The following SLC20A2 variants were observed in gnomAD, a reference collection of about 807,000 sequenced individuals.
SLC20A2 encodes sodium-dependent phosphate transporter 2.
SLC20A2 carries 30 observed loss-of-function variants against 61.0 expected under a neutral mutation model. The observed-to-expected ratio is 0.49, with a 90% CI of 0.37 to 0.67. SLC20A2 has a LOEUF of 0.67. Among genes scored for constraint, SLC20A2 ranks in the 30% least tolerant of loss-of-function variants. The pLI is 0.00. For synonymous variants in SLC20A2, 351 were observed against 353.3 expected (o/e 0.99, Z 0.07); for missense variants, 626 against 866.4 (o/e 0.72, Z 3.48).
At chr8:42,477,841 G>T (rs1295471412) in intron 1 of SLC20A2, among the ~76,000 whole-genome samples, 2 of 151,338 alleles carry the variant, frequency 1.3e-5, no homozygotes, top group Non-Finnish European at 2.9e-5. Flanking sequence ...AGGGCGCTAA[G>T]AAAAAAACCA....
chr8:42,529,885 CTTAT>C (rs1220550052), intron 1 of SLC20A2, among the ~76,000 whole-genome samples: 1 of 152,156 alleles, frequency 6.6e-6, no homozygotes, highest in Non-Finnish European at 1.5e-5. Flanking sequence ...ATACACTAAA[CTTAT>C]TTAAACCTTT....
chr8:42,464,092 CTTTTTTTTTTTTT>C (rs1170751054), intron 3 of SLC20A2, among the ~76,000 whole-genome samples: 602 of 20,564 alleles, frequency 0.029, 34 homozygotes, highest in Middle Eastern at 0.062. Flanking sequence ...GCTGGATGAT[CTTTTTTTTTTTTT>C]TTTTTTTTTT....
At chr8:42,457,008 C>A (rs186656214) in intron 5 of SLC20A2, among the ~76,000 whole-genome samples, 1,559 of 152,054 alleles carry the variant, frequency 0.01, 13 homozygotes, top group Non-Finnish European at 0.013. Context: ...ACTGCAATCT[C>A]CACCTCCCAG....
Position 42,516,879 on chromosome 8 carries a change from T to C in SLC20A2, c.-265+24942A>G, listed in dbSNP as rs1023939963. Among the ~76,000 whole-genome samples, 12 of 152,302 alleles carry C rather than the reference T, an allele frequency of 7.9e-5. No individual in the cohort carries two copies. In the South Asian group the frequency reaches 2.5e-3, roughly 32 times the overall value. ...AGACTCGATGTAATCTAGGCACCCA[T>C]CAGTGCAACCTGAGCTTGCTGTTTT... On this transcript the variant is annotated intron_variant, in intron 1 of 10. Coordinates refer to the SLC20A2 transcript ENST00000342228.
chr8:42,526,663 ACT>A (rs932928230), intron 1 of SLC20A2, among the ~76,000 whole-genome samples: 13 of 113,170 alleles, frequency 1.1e-4, no homozygotes, highest in African/African-American at 3.9e-4. Flanking sequence ...ACAGAGAGAG[ACT>A]CTGTCTCAAA....
At chr8:42,439,958 G>A (rs1012768858) in intron 6 of SLC20A2, among the ~76,000 whole-genome samples, 1 of 151,764 alleles carries the variant, frequency 6.6e-6, no homozygotes, top group East Asian at 1.9e-4. Context: ...GGTGGCAGGC[G>A]CCTGTAATTC....
intron 5 of SLC20A2, among the ~76,000 whole-genome samples, chr8:42,456,952 C>T (rs1806260444): frequency 6.6e-6 from 1 of 151,982 alleles, no homozygotes; most frequent in African/African-American, 2.4e-5. Flanking sequence ...GAGATGGAGT[C>T]TTGCTCTGTC....
At chr8:42,485,380 G>A (rs560715969) in intron 1 of SLC20A2, among the ~76,000 whole-genome samples, 14 of 151,812 alleles carry the variant, frequency 9.2e-5, no homozygotes, top group South Asian at 4.2e-4. Flanking sequence ...GGTGGCTCAC[G>A]CCTGTAATTC....
intron 6 of SLC20A2, among the ~76,000 whole-genome samples, chr8:42,443,826 G>T (rs1804991257): frequency 6.6e-6 from 1 of 152,046 alleles, no homozygotes; most frequent in South Asian, 2.1e-4. Flanking sequence ...AAATTTAATG[G>T]AAAGATCCAT....
At chr8:42,531,586 A>G (rs1368847273) in intron 1 of SLC20A2, among the ~76,000 whole-genome samples, 6 of 152,232 alleles carry the variant, frequency 3.9e-5, no homozygotes, top group Admixed American at 3.9e-4. Flanking sequence ...AGTCAACAGC[A>G]TAATACAAAG....
At chr8:42,475,511 G>A (rs1808009092) in intron 1 of SLC20A2, among the ~76,000 whole-genome samples, 2 of 152,112 alleles carry the variant, frequency 1.3e-5, no homozygotes, top group Non-Finnish European at 2.9e-5. Flanking sequence ...CTGGGTTCAA[G>A]AGATTCTCCT....
intron 1 of SLC20A2, among the ~76,000 whole-genome samples, chr8:42,523,351 AAAAT>A (rs1320958940): frequency 2.7e-5 from 4 of 145,782 alleles, no homozygotes; most frequent in Non-Finnish European, 5.9e-5. Context: ...ATAAATAAAT[AAAAT>A]AAATAAATAA....
chr8:42,484,742 G>C, intron 1 of SLC20A2: 1 of 358,480 alleles, frequency 2.8e-6, no homozygotes, highest in Non-Finnish European at 5.5e-6. Flanking sequence ...TGATCCAAGA[G>C]AGCCTGACTT....
At chr8:42,527,127 C>T (rs961882020) in intron 1 of SLC20A2, among the ~76,000 whole-genome samples, 5 of 150,280 alleles carry the variant, frequency 3.3e-5, no homozygotes, top group Non-Finnish European at 7.4e-5. Flanking sequence ...AAAAGTGGGC[C>T]GGGTGTGGTG....
intron 1 of SLC20A2, among the ~76,000 whole-genome samples, chr8:42,540,653 A>G (rs1360309314): frequency 6.6e-6 from 1 of 152,244 alleles, no homozygotes; most frequent in Admixed American, 6.5e-5. Context: ...GAAGTGTTCA[A>G]TGTAAGCTCT....
intron 1 of SLC20A2, among the ~76,000 whole-genome samples, chr8:42,506,945 C>T (rs1274352927): frequency 6.6e-6 from 1 of 152,174 alleles, no homozygotes; most frequent in African/African-American, 2.4e-5. Context: ...AAATGCCCGC[C>T]CTGGCTTGCC....
chr8:42,525,807 G>A (rs1811896659), intron 1 of SLC20A2, among the ~76,000 whole-genome samples: 2 of 152,040 alleles, frequency 1.3e-5, no homozygotes, highest in Non-Finnish European at 2.9e-5. Context: ...ATAAACCCAC[G>A]ATGATAGGGA....
chr8:42,522,447 G>A (rs1483151372), intron 1 of SLC20A2, among the ~76,000 whole-genome samples: 1 of 121,300 alleles, frequency 8.2e-6, no homozygotes, highest in African/African-American at 2.5e-5. Flanking sequence ...TTGGGGGGCC[G>A]AGGCGGGTGG....
chr8:42,422,960 T>C (rs913621644), intron 10 of SLC20A2, among the ~76,000 whole-genome samples: 1 of 152,208 alleles, frequency 6.6e-6, no homozygotes, highest in Non-Finnish European at 1.5e-5. Flanking sequence ...TTAATTTTGC[T>C]TCTATATTTC....
Sources: allele counts gnomAD v4.1 joint callset (sites outside exome capture counted in the v4.1 genomes callset), GRCh38; gene constraint gnomAD v4.1.1; transcripts MANE v1.5; gene names NCBI Gene and HGNC (gene_info 2026-07-23, HGNC 2026-07-21).